The following PASD1 variants were observed in gnomAD, a reference collection of about 807,000 sequenced individuals.
PASD1 encodes the protein circadian clock protein PASD1.
PASD1 carries 13 observed loss-of-function variants against 58.8 expected under a neutral mutation model. The observed-to-expected ratio is 0.22, with a 90% CI of 0.14 to 0.35. The LOEUF is 0.35. Among genes scored for constraint, PASD1 ranks in the 10% least tolerant of loss-of-function variants. The pLI, the probability that PASD1 is intolerant of heterozygous loss-of-function variation, is 1.00. For missense variants in PASD1, 734 were observed against 568.3 expected, an observed-to-expected ratio of 1.29 and a Z score of -2.96; for synonymous variants, 236 against 216.7, an observed-to-expected ratio of 1.09 and a Z score of -0.78.
At chrX:151,613,361 C>A (rs57862376) in intron 4 of PASD1, among the ~76,000 whole-genome samples, 38,204 of 105,510 alleles carry the variant, frequency 0.36, 5,910 homozygotes, top group African/African-American at 0.42. Context: ...GAAGAAAGTC[C>A]TTGGTAGCTT....
chrX:151,669,205 T>C (rs2014430811), intron 11 of PASD1, among the ~76,000 whole-genome samples: 1 of 106,788 alleles, frequency 9.4e-6, no homozygotes, highest in South Asian at 4.0e-4. Flanking sequence ...CACTATATAG[T>C]ATACATAGTT....
chrX:151,633,913 A>T (rs1408763822), intron 8 of PASD1, among the ~76,000 whole-genome samples: 1 of 111,986 alleles, frequency 8.9e-6, no homozygotes, highest in Non-Finnish European at 1.9e-5. Context: ...TATTCTTCTC[A>T]AGTAATAATG....
intron 8 of PASD1, among the ~76,000 whole-genome samples, chrX:151,643,551 A>C (rs1307179738): frequency 8.9e-6 from 1 of 111,896 alleles, no homozygotes; most frequent in Non-Finnish European, 1.9e-5. Context: ...GTACCCCATA[A>C]ATATATACAC....
intron 11 of PASD1, among the ~76,000 whole-genome samples, chrX:151,668,824 T>C (rs1287717181): frequency 2.8e-5 from 3 of 106,420 alleles, no homozygotes; most frequent in Non-Finnish European, 5.8e-5. Flanking sequence ...TTCCAATCAA[T>C]AGAAAAAGAG....
At chrX:151,617,974 G>T (rs749924601) in intron 4 of PASD1, among the ~76,000 whole-genome samples, 2 of 111,743 alleles carry the variant, frequency 1.8e-5, no homozygotes, top group East Asian at 5.6e-4. Flanking sequence ...ATGAATGAGT[G>T]GTCTCCACAG....
intron 11 of PASD1, among the ~76,000 whole-genome samples, chrX:151,669,612 T>G (rs1412342087): frequency 9.0e-6 from 1 of 111,405 alleles, no homozygotes; most frequent in East Asian, 2.8e-4. Flanking sequence ...TATCAACATT[T>G]TTAACTTTCA....
chrX:151,663,107 A>G (rs894758810), intron 10 of PASD1, among the ~76,000 whole-genome samples: 5 of 112,078 alleles, frequency 4.5e-5, no homozygotes, highest in Non-Finnish European at 5.6e-5. Flanking sequence ...ATACAGTTCT[A>G]TGGATTTTGA....
intron 1 of PASD1, among the ~76,000 whole-genome samples, chrX:151,587,289 G>A (rs1440682906): frequency 9.6e-6 from 1 of 104,319 alleles, no homozygotes; most frequent in African/African-American, 3.5e-5. Context: ...GGTGAGAGGA[G>A]GTGTTCAGCA....
At chrX:151,649,152 G>T (rs1036969385) in intron 9 of PASD1, among the ~76,000 whole-genome samples, 2 of 111,814 alleles carry the variant, frequency 1.8e-5, no homozygotes, top group African/African-American at 3.3e-5. Context: ...ATCTACCTGG[G>T]TCTACCCTCA....
intron 1 of PASD1, among the ~76,000 whole-genome samples, chrX:151,601,272 CTT>C (rs1286824840): frequency 9.0e-6 from 1 of 111,567 alleles, no homozygotes; most frequent in East Asian, 2.8e-4. Flanking sequence ...GTTTTTGTAA[CTT>C]TTACAAATAT....
intron 3 of PASD1, among the ~76,000 whole-genome samples, chrX:151,606,784 T>C (rs1048715278): frequency 3.6e-5 from 4 of 110,307 alleles, no homozygotes; most frequent in Non-Finnish European, 7.6e-5. Flanking sequence ...CAAGCAGACA[T>C]ACAGAAAATG....
At position 151,671,560 on chromosome X, in the gene PASD1, T is replaced by A. The variant is rs1278077194; in HGVS notation, c.1231-13T>A. ...ACTGTGAATAAGACCTTTGTGATAC[T>A]GTGTCCTTACAGAAGCAGCCAAACA... On this transcript the variant is annotated splice_polypyrimidine_tract_variant and intron_variant, in intron 12 of 15. Coordinates refer to ENST00000370357, the MANE Select transcript of PASD1 (RefSeq NM_173493.3). The A allele has an allele frequency of 7.5e-6, 9 of 1,206,874 alleles. No individual in the cohort carries two copies. The East Asian group carries it at 1.2e-4, about 16-fold the overall frequency.
intron 9 of PASD1, among the ~76,000 whole-genome samples, chrX:151,659,122 T>C (rs1450614705): frequency 2.7e-5 from 3 of 112,296 alleles, no homozygotes; most frequent in Non-Finnish European, 5.6e-5. Flanking sequence ...CCTCTCTGCT[T>C]AAAATAGTTT....
At chrX:151,581,227 C>CAAAAAAAAAAAAAAAAAAAAAAAAAAAAA (rs55664238) in intron 1 of PASD1, among the ~76,000 whole-genome samples, 7 of 31,500 alleles carry the variant, frequency 2.2e-4, no homozygotes, top group Non-Finnish European at 3.9e-4. Flanking sequence ...AGCTCTGTAT[C>CAAAAAAAAAAAAAAAAAAAAAAAAAAAAA]AAAAAAAAAA....
Position 151,672,190 on chromosome X carries a change from T to C in PASD1, c.1445T>C (p.Leu482Pro). 1.7e-6 allele frequency: 2 copies of C among 1,149,674 alleles called. No individual in the cohort carries two copies. Among genetic ancestry groups the C allele is most frequent in the Non-Finnish European group, 2.3e-6 (2 of 867,526 alleles). 94.7% of individuals were successfully genotyped at this position (1,149,674 alleles called of 1,213,427 possible). A position where few individuals can be genotyped will look rare whatever the true frequency, so the allele number is the denominator to read the frequency against. ...TGTTGCCTTTCGATGCAGCAGCAACTGGTGCAGCAAGAACAACACCTGAAG... is the reference window on the plus strand; with the variant it reads ...TGTTGCCTTTCGATGCAGCAGCAACCGGTGCAGCAAGAACAACACCTGAAG... The part of the protein sequence containing the change: ...EPCVAFNQQQ[L>P]VQQEQHLKEQ... The change falls in exon 14 of 16, where the codon CTG (leucine) becomes CCG (proline). Residue 482 changes from leucine to proline, a missense_variant. Leu to Pro is a moderately conservative substitution (Grantham distance 98). Transcript: ENST00000370357.
chrX:151,655,703 T>C (rs1456348739), intron 9 of PASD1, among the ~76,000 whole-genome samples: 3 of 112,010 alleles, frequency 2.7e-5, no homozygotes, highest in Non-Finnish European at 5.6e-5. Flanking sequence ...ATGGGGCTGT[T>C]TGTTTTTTTC....
chrX:151,611,775 GA>G (rs2013562575), intron 4 of PASD1, 22 bp downstream of exon 4: 1 of 1,104,330 alleles, frequency 9.1e-7, no homozygotes. Flanking sequence ...CTACTTTTGG[GA>G]AAGTGGATCA....
rs765349053 is a variant in PASD1 at position 151,676,644 on chromosome X, T to C, written c.*501T>C. 3.8e-4 allele frequency: 43 copies of C among 113,275 alleles called. No homozygotes were observed. The highest frequency in any genetic ancestry group is 7.8e-4 in the Non-Finnish European group (42 of 54,015). 9.3% of individuals were successfully genotyped at this position (113,275 alleles called of 1,213,427 possible). On this transcript the variant is annotated 3_prime_UTR_variant, in exon 16 of 16. Transcript: ENST00000370357. ...TGGAGAAGCCCAGAGAGAATGGGAC[T>C]CCAACTAAGGGAACCTGAAATCAAC...
intron 1 of PASD1, among the ~76,000 whole-genome samples, chrX:151,578,771 A>T (rs905819416): frequency 2.7e-5 from 3 of 112,121 alleles, no homozygotes; most frequent in African/African-American, 9.7e-5. Flanking sequence ...GTGGGTTTTG[A>T]TAACTGAGTT....
Sources: gnomAD v4.1 joint callset for allele counts (sites outside exome capture counted in the v4.1 genomes callset) on GRCh38, gnomAD v4.1.1 for gene constraint, MANE v1.5 for transcripts, NCBI Gene and HGNC (gene_info 2026-07-23, HGNC 2026-07-21) for gene names.